The following MYOM3 variants were observed in gnomAD, a reference collection of about 807,000 sequenced individuals.
MYOM3 encodes the protein myomesin 3.
MYOM3 carries 155 observed loss-of-function variants against 191.7 expected under a neutral mutation model. That is an observed-to-expected ratio of 0.81 (90% CI 0.71 to 0.92). The LOEUF (loss-of-function observed/expected upper bound fraction) is 0.92. Ranked by LOEUF, MYOM3 falls within the 40% of genes least tolerant of loss-of-function variation. The pLI is 0.00. For missense variants in MYOM3, 1,889 were observed against 1,890.6 expected (o/e 1.00, Z 0.02); for synonymous variants, 757 against 762.9 (o/e 0.99, Z 0.13).
intron 5 of MYOM3, among the ~76,000 whole-genome samples, chr1:24,105,487 G>A (rs139466724): frequency 4.3e-4 from 66 of 152,278 alleles, no homozygotes; most frequent in African/African-American, 8.4e-4. Context: ...CCCTGGAGAC[G>A]CCCAGCTTGC....
intron 12 of MYOM3, 142 bp downstream of exon 12, chr1:24,090,655 A>T: frequency 1.3e-6 from 1 of 757,636 alleles, no homozygotes; most frequent in African/African-American, 1.8e-5. Flanking sequence ...CTCCTTCATC[A>T]GACTAGTGTT....
rs1443302252 is a variant in MYOM3 at position 24,056,394 on chromosome 1, A to C, written c.*970T>G. ...CACCACAAAATCGGACTAATTTTTC[A>C]GGGCCCAACACCAATTCTGCTAATT... On this transcript the variant is annotated 3_prime_UTR_variant, in exon 37 of 37. Transcript: ENST00000374434. The C allele has an allele frequency of 6.6e-6, 1 of 152,182 alleles. No homozygotes were observed. The highest frequency in any genetic ancestry group is 1.9e-4 in the East Asian group (1 of 5,164). 9.4% of individuals were successfully genotyped at this position (152,182 alleles called of 1,614,324 possible).
At chr1:24,090,542 C>T (rs1285874346) in intron 12 of MYOM3, among the ~76,000 whole-genome samples, 1 of 152,182 alleles carries the variant, frequency 6.6e-6, no homozygotes, top group Non-Finnish European at 1.5e-5. Context: ...GGTTTGGTTT[C>T]TCCCATTAGA....
At chr1:24,067,119 CAGAG>C (rs1643446852) in intron 27 of MYOM3, 31 bp from the exon 28 acceptor site, 2 of 1,557,682 alleles carry the variant, frequency 1.3e-6, no homozygotes, top group African/African-American at 1.4e-5. Context: ...TGCCCACTGT[CAGAG>C]AGCCAGGCTC....
intron 25 of MYOM3, among the ~76,000 whole-genome samples, chr1:24,068,880 C>T (rs1466203877): frequency 3.9e-5 from 6 of 151,942 alleles, no homozygotes; most frequent in Non-Finnish European, 2.9e-5. Flanking sequence ...TGCGCCACCA[C>T]ACCCAGCTTA....
chr1:24,093,062 G>T lies in MYOM3; in HGVS notation c.975C>A (p.Asp325Glu). 3 of 1,612,954 alleles carry T rather than the reference G, an allele frequency of 1.9e-6. No individual in the cohort carries two copies. The South Asian group carries it at 3.3e-5, about 18-fold the overall frequency. Residue 325 changes from aspartate to glutamate, a missense_variant, in exon 10 of 37, where the codon GAC (aspartate) becomes GAA (glutamate). Coordinates refer to ENST00000374434, the MANE Select transcript of MYOM3 (RefSeq NM_152372.4). ...SSRRRKILYT[D>E]RQASLKVSCT... Reference sequence around the variant, plus strand: ...AGGACACCTTCAGGGATGCCTGGCGGTCTGTGTAGAGGATCTTCCGACGTC... The same window carrying T: ...AGGACACCTTCAGGGATGCCTGGCGTTCTGTGTAGAGGATCTTCCGACGTC...
chr1:24,101,029 C>T (rs551920713), intron 5 of MYOM3, among the ~76,000 whole-genome samples: 3 of 152,242 alleles, frequency 2.0e-5, no homozygotes, highest in Admixed American at 6.5e-5. Context: ...CAATATATGA[C>T]GGATCTCCTT....
At chr1:24,108,453 G>A (rs1644012847) in intron 2 of MYOM3, 23 bp downstream of exon 2, 2 of 1,530,608 alleles carry the variant, frequency 1.3e-6, no homozygotes, top group South Asian at 2.5e-5. Flanking sequence ...GCAGTGGCTG[G>A]GCGGGGACCC....
At chr1:24,065,402 G>C (rs1388626955) in intron 29 of MYOM3, among the ~76,000 whole-genome samples, 1 of 152,182 alleles carries the variant, frequency 6.6e-6, no homozygotes, top group Non-Finnish European at 1.5e-5. Flanking sequence ...GAGGACTTGG[G>C]GGGAGAATTG....
intron 21 of MYOM3, 57 bp from the exon 22 acceptor site, chr1:24,075,532 C>T: frequency 6.7e-7 from 1 of 1,489,266 alleles, no homozygotes; most frequent in Non-Finnish European, 8.9e-7. Context: ...AACCAGGTCA[C>T]ACCCCTCCCC....
chr1:24,071,366 A>T, intron 24 of MYOM3, 113 bp from the exon 25 acceptor site: 1 of 1,258,366 alleles, frequency 7.9e-7, no homozygotes, highest in Non-Finnish European at 1.1e-6. Context: ...ACCTTTAGAG[A>T]ACCTGAAGGA....
intron 6 of MYOM3, among the ~76,000 whole-genome samples, chr1:24,098,235 C>T (rs1045134623): frequency 7.2e-5 from 11 of 152,212 alleles, no homozygotes; most frequent in African/African-American, 2.2e-4. Context: ...CCACCTAAAC[C>T]GTCTCAGGAG....
intron 1 of MYOM3, among the ~76,000 whole-genome samples, chr1:24,109,623 A>G (rs1051231734): frequency 6.6e-6 from 1 of 152,238 alleles, no homozygotes; most frequent in Non-Finnish European, 1.5e-5. Context: ...AGAACTTACT[A>G]TGTTCCATGC....
At position 24,081,421 on chromosome 1, in the gene MYOM3, G is replaced by C. The variant is rs751840043; in HGVS notation, c.2316C>G (p.Phe772Leu). ...SDLHEGHFYE[F>L]RARAANWAGV... Reference sequence around the variant, plus strand: ...CTGCCCAGTTGGCAGCCCGGGCACGGAACTCATAGAAGTGGCCTTCATGAA... The same window carrying C: ...CTGCCCAGTTGGCAGCCCGGGCACGCAACTCATAGAAGTGGCCTTCATGAA... The change falls in exon 19 of 37, where the codon TTC becomes TTG. Residue 772 changes from phenylalanine (F) to leucine (L), a missense_variant. By Grantham distance (22) the Phe-to-Leu change is conservative (BLOSUM62 0). Transcript: ENST00000374434. The C allele has an allele frequency of 1.9e-6, 3 of 1,614,192 alleles. No individual in the cohort carries two copies. Among genetic ancestry groups the C allele is most frequent in the Admixed American group, 1.7e-5 (1 of 60,030 alleles).
intron 35 of MYOM3, among the ~76,000 whole-genome samples, chr1:24,059,369 A>T (rs1314257510): frequency 1.3e-5 from 2 of 152,252 alleles, no homozygotes; most frequent in Non-Finnish European, 2.9e-5. Context: ...TCCTGGGCTC[A>T]AGCAATCCTC....
At chr1:24,085,515 T>C (rs1383140719) in intron 15 of MYOM3, among the ~76,000 whole-genome samples, 1 of 152,206 alleles carries the variant, frequency 6.6e-6, no homozygotes, top group Non-Finnish European at 1.5e-5. Context: ...CCCCCAAACG[T>C]TGGACTCATC....
chr1:24,095,541 G>A, intron 7 of MYOM3, 55 bp from the exon 8 acceptor site: 1 of 1,519,358 alleles, frequency 6.6e-7, no homozygotes, highest in Non-Finnish European at 9.1e-7. Context: ...ACATTCCTAT[G>A]CTATTTTGGG....
chr1:24,064,081 T>C lies in MYOM3; in HGVS notation c.3613A>G (p.Thr1205Ala). 6.2e-7 allele frequency: 1 copy of C among 1,612,142 alleles called. No homozygotes were observed. The highest frequency in any genetic ancestry group is 2.2e-5 in the East Asian group (1 of 44,846). The stretch of plus-strand genomic sequence containing the variant: ...CATCGCCAGCTCCTACCGTCACCCG[T>C]GAGGTCCAATATGGTGTCGTCCTCC... Reference protein sequence around the residue: ...RGEDDTILDLTGDALDAIFTE... With the variant: ...RGEDDTILDLAGDALDAIFTE... Residue 1205 changes from threonine (T) to alanine (A), a missense_variant, in exon 30 of 37, where the codon ACG (threonine) becomes GCG (alanine). Transcript: ENST00000374434.
intron 5 of MYOM3, among the ~76,000 whole-genome samples, chr1:24,105,699 A>G (rs1428931392): frequency 6.6e-6 from 1 of 152,176 alleles, no homozygotes; most frequent in Non-Finnish European, 1.5e-5. Context: ...TCAAGACTGC[A>G]GTGAGCTATG....
Sources: gnomAD v4.1 joint callset for allele counts (sites outside exome capture counted in the v4.1 genomes callset) on GRCh38, gnomAD v4.1.1 for gene constraint, MANE v1.5 for transcripts, NCBI Gene and HGNC (gene_info 2026-07-23, HGNC 2026-07-21) for gene names.